The following SYT9 variants were observed in gnomAD, a reference collection of about 807,000 sequenced individuals.
SYT9 encodes the protein synaptotagmin 9.
SYT9 carries 22 observed loss-of-function variants against 48.4 expected under a neutral mutation model. That is an observed-to-expected ratio of 0.45 (90% CI 0.32 to 0.65). The LOEUF (loss-of-function observed/expected upper bound fraction) is 0.65, where lower values mean the gene tolerates loss of function less well. Ranked by LOEUF, SYT9 falls within the 30% of genes least tolerant of loss-of-function variation. SYT9 has a pLI of 0.03. For synonymous variants in SYT9, 265 were observed against 245.0 expected (o/e 1.08, Z -0.76); for missense variants, 577 against 622.0 (o/e 0.93, Z 0.77).
At chr11:7,369,720 T>G (rs536753150) in intron 3 of SYT9, among the ~76,000 whole-genome samples, 4 of 96,760 alleles carry the variant, frequency 4.1e-5, no homozygotes, top group African/African-American at 8.4e-5. Context: ...GGATAATGGG[T>G]TTTTTTTTAA....
At chr11:7,446,472 C>G (rs2134141520) in intron 6 of SYT9, among the ~76,000 whole-genome samples, 1 of 152,276 alleles carries the variant, frequency 6.6e-6, no homozygotes, top group South Asian at 2.1e-4. Flanking sequence ...TGAGAACTCT[C>G]AGGAGGGCTT....
intron 3 of SYT9, among the ~76,000 whole-genome samples, chr11:7,366,024 C>A (rs188249967): frequency 1.3e-5 from 2 of 152,294 alleles, no homozygotes; most frequent in Admixed American, 6.5e-5. Context: ...TGGTTACTTA[C>A]CCTTCAAGGT....
intron 3 of SYT9, among the ~76,000 whole-genome samples, chr11:7,331,303 A>C (rs1237780473): frequency 1.4e-5 from 2 of 140,754 alleles, no homozygotes; most frequent in Non-Finnish European, 3.1e-5. Context: ...TACAAGCAAT[A>C]TCAAGGATCA....
In SYT9 at chr11:7,353,145, A is replaced by G. The variant is rs1018023466; in HGVS notation, c.1044+39204A>G. Among the ~76,000 whole-genome samples, 8 of 152,238 alleles carry G rather than the reference A, an allele frequency of 5.3e-5. No individual in the cohort carries two copies. In the South Asian group the frequency reaches 1.7e-3, roughly 32 times the overall value. ...GGAAAAGTCAAGTTGGGACCTTTAA[A>G]TATATTTCCTTTTACCACCCAGAAC... On this transcript the variant is annotated intron_variant, in intron 3 of 6. Coordinates refer to ENST00000318881, the MANE Select transcript of SYT9 (RefSeq NM_175733.4).
At chr11:7,357,345 G>C (rs914608830) in intron 3 of SYT9, among the ~76,000 whole-genome samples, 1 of 152,090 alleles carries the variant, frequency 6.6e-6, no homozygotes, top group African/African-American at 2.4e-5. Flanking sequence ...TGATAGAATA[G>C]CAAAAGAGAG....
intron 6 of SYT9, among the ~76,000 whole-genome samples, chr11:7,448,027 A>AG (rs1344111146): frequency 6.6e-6 from 1 of 152,222 alleles, no homozygotes; most frequent in Non-Finnish European, 1.5e-5. Flanking sequence ...TGAATGAAAA[A>AG]CACCCTCACC....
chr11:7,464,232 G>A (rs1049178998), intron 6 of SYT9, among the ~76,000 whole-genome samples: 8 of 152,200 alleles, frequency 5.3e-5, no homozygotes, highest in African/African-American at 1.9e-4. Context: ...AATGGGATAA[G>A]CAGCTAGGAA....
At chr11:7,306,391 C>T (rs1455836666) in intron 2 of SYT9, among the ~76,000 whole-genome samples, 1 of 152,210 alleles carries the variant, frequency 6.6e-6, no homozygotes, top group Non-Finnish European at 1.5e-5. Context: ...AACCCCTTAT[C>T]AGGTCTATTA....
chr11:7,367,506 G>T (rs1428993959), intron 3 of SYT9, among the ~76,000 whole-genome samples: 1 of 152,112 alleles, frequency 6.6e-6, no homozygotes, highest in Admixed American at 6.5e-5. Flanking sequence ...TAATGTAATA[G>T]ACGAAATATG....
chr11:7,277,713 A>G (rs1418767825), intron 1 of SYT9, among the ~76,000 whole-genome samples: 4 of 152,338 alleles, frequency 2.6e-5, no homozygotes, highest in African/African-American at 9.6e-5. Context: ...GCATGCATGT[A>G]GGATCTGAAT....
chr11:7,272,855 C>A (rs1010198056), intron 1 of SYT9, among the ~76,000 whole-genome samples: 2 of 152,102 alleles, frequency 1.3e-5, no homozygotes, highest in Non-Finnish European at 2.9e-5. Context: ...TTCTAGTAAA[C>A]AACATGTGCA....
chr11:7,399,695 T>C (rs1242026864), intron 3 of SYT9, among the ~76,000 whole-genome samples: 1 of 151,846 alleles, frequency 6.6e-6, no homozygotes, highest in African/African-American at 2.4e-5. Flanking sequence ...TGATGAGACA[T>C]CCTCTATAGG....
At chr11:7,297,912 T>C (rs751559709) in intron 1 of SYT9, among the ~76,000 whole-genome samples, 1 of 152,230 alleles carries the variant, frequency 6.6e-6, no homozygotes, top group Non-Finnish European at 1.5e-5. Flanking sequence ...TCTAATTTCT[T>C]TGTTATTTTT....
chr11:7,248,505 A>G (rs529995280), upstream of SYT9, among the ~76,000 whole-genome samples: 12 of 152,274 alleles, frequency 7.9e-5, no homozygotes, highest in African/African-American at 2.9e-4. Flanking sequence ...TGATTTTTGT[A>G]TAAGGTGAGA....
intron 3 of SYT9, among the ~76,000 whole-genome samples, chr11:7,380,589 T>A (rs187263788): frequency 1.1e-3 from 162 of 148,224 alleles, no homozygotes; most frequent in Middle Eastern, 3.5e-3. Flanking sequence ...CCACCAAAAT[T>A]TACAAAAATA....
At chr11:7,415,781 T>G (rs1478904701) in intron 3 of SYT9, among the ~76,000 whole-genome samples, 1 of 152,144 alleles carries the variant, frequency 6.6e-6, no homozygotes, top group Non-Finnish European at 1.5e-5. Flanking sequence ...TGCCGGTGAC[T>G]GGATACATGG....
At chr11:7,412,089 C>A (rs1394643931) in intron 3 of SYT9, among the ~76,000 whole-genome samples, 2 of 151,996 alleles carry the variant, frequency 1.3e-5, no homozygotes, top group Non-Finnish European at 2.9e-5. Context: ...TTGATGAATT[C>A]TTTTCCAATT....
intron 5 of SYT9, among the ~76,000 whole-genome samples, chr11:7,418,904 C>T (rs537033602): frequency 2.0e-5 from 3 of 152,330 alleles, no homozygotes; most frequent in South Asian, 2.1e-4. Flanking sequence ...GTGGTCTGGA[C>T]ACAATTATTA....
At chr11:7,419,167 T>C (rs11041366) in intron 5 of SYT9, among the ~76,000 whole-genome samples, 21,924 of 152,174 alleles carry the variant, frequency 0.14, 1,634 homozygotes, top group East Asian at 0.28. Flanking sequence ...CAGGCCCCAG[T>C]AGGGGACATT....
Sources: allele counts gnomAD v4.1 joint callset (sites outside exome capture counted in the v4.1 genomes callset), GRCh38; gene constraint gnomAD v4.1.1; transcripts MANE v1.5; gene names NCBI Gene and HGNC (gene_info 2026-07-23, HGNC 2026-07-21).